Variants in ZBTB38 observed in about 807,000 individuals in gnomAD.
The protein encoded by ZBTB38 is zinc finger and BTB domain containing 38.
ZBTB38 carries 20 observed loss-of-function variants against 76.8 expected under a neutral mutation model. The observed-to-expected ratio is 0.26, with a 90% CI of 0.18 to 0.38. The LOEUF (loss-of-function observed/expected upper bound fraction) is 0.38. Among genes scored for constraint, ZBTB38 ranks in the 10% least tolerant of loss-of-function variants. The pLI, the probability that ZBTB38 is intolerant of heterozygous loss-of-function variation, is 1.00. For missense variants in ZBTB38, 1,082 were observed against 1,482.3 expected (o/e 0.73, Z 4.43); for synonymous variants, 504 against 544.2 (o/e 0.93, Z 1.03).
intron 4 of ZBTB38, among the ~76,000 whole-genome samples, chr3:141,401,314 G>A (rs1460638267): frequency 6.6e-6 from 1 of 152,132 alleles, no homozygotes. Flanking sequence ...TGGCTTTGAG[G>A]AGGTTGGGAA....
chr3:141,429,164 T>C (rs2076952915), intron 5 of ZBTB38, among the ~76,000 whole-genome samples: 1 of 152,122 alleles, frequency 6.6e-6, no homozygotes, highest in South Asian at 2.1e-4. Flanking sequence ...ATTGGAATGT[T>C]GAGGGCCGTG....
chr3:141,351,850 G>C (rs1035092460), intron 1 of ZBTB38, among the ~76,000 whole-genome samples: 10 of 151,808 alleles, frequency 6.6e-5, no homozygotes, highest in African/African-American at 2.4e-4. Flanking sequence ...TTATAGATGA[G>C]TTAAGCTTAT....
chr3:141,432,366 G>A (rs1276511977), intron 5 of ZBTB38: 2 of 822,468 alleles, frequency 2.4e-6, no homozygotes, highest in Non-Finnish European at 2.9e-6. Context: ...TTGTTATTAT[G>A]TACGTTAGGA....
chr3:141,406,746 G>A (rs1954619780), intron 5 of ZBTB38, among the ~76,000 whole-genome samples: 1 of 152,144 alleles, frequency 6.6e-6, no homozygotes, highest in Non-Finnish European at 1.5e-5. Context: ...AAGATAGTAA[G>A]GAAGAACCAT....
At chr3:141,416,162 T>C (rs11919556) in intron 5 of ZBTB38, among the ~76,000 whole-genome samples, 27,356 of 152,138 alleles carry the variant, frequency 0.18, 5,336 homozygotes, top group African/African-American at 0.48. Flanking sequence ...GTGACCTGTC[T>C]GGACTGGAAA....
At chr3:141,441,157 G>A (rs1295779380) in intron 5 of ZBTB38, among the ~76,000 whole-genome samples, 1 of 152,108 alleles carries the variant, frequency 6.6e-6, no homozygotes, top group Non-Finnish European at 1.5e-5. Flanking sequence ...TATGTACTGT[G>A]TATCTCTTAC....
chr3:141,329,353 C>T (rs1206345984), intron 1 of ZBTB38, among the ~76,000 whole-genome samples: 1 of 152,202 alleles, frequency 6.6e-6, no homozygotes, highest in African/African-American at 2.4e-5. Flanking sequence ...AACTTCGATA[C>T]ATCACTCCAT....
At chr3:141,331,806 C>T (rs1942862446) in intron 1 of ZBTB38, among the ~76,000 whole-genome samples, 1 of 152,204 alleles carries the variant, frequency 6.6e-6, no homozygotes, top group African/African-American at 2.4e-5. Flanking sequence ...GCTGCTTTCA[C>T]CAGCCGATGA....
At chr3:141,411,633 G>A (rs559780766) in intron 5 of ZBTB38, among the ~76,000 whole-genome samples, 7 of 152,308 alleles carry the variant, frequency 4.6e-5, no homozygotes, top group African/African-American at 1.7e-4. Flanking sequence ...CTGAAATGAA[G>A]CCCTGTGTAG....
At chr3:141,380,925 A>G (rs1398434074) in intron 2 of ZBTB38, among the ~76,000 whole-genome samples, 2 of 152,224 alleles carry the variant, frequency 1.3e-5, no homozygotes, top group Non-Finnish European at 2.9e-5. Context: ...ATGCTCTCAC[A>G]TGAGGTGGAT....
At chr3:141,335,640 A>G (rs1230552076) in intron 1 of ZBTB38, among the ~76,000 whole-genome samples, 1 of 152,202 alleles carries the variant, frequency 6.6e-6, no homozygotes, top group African/African-American at 2.4e-5. Context: ...TTGGCCACTG[A>G]TGGCACAATT....
chr3:141,411,677 C>T (rs1956702910), intron 5 of ZBTB38, among the ~76,000 whole-genome samples: 1 of 152,194 alleles, frequency 6.6e-6, no homozygotes, highest in Admixed American at 6.5e-5. Context: ...CTGGCTGCCC[C>T]TGAGTGCTGT....
At chr3:141,381,994 A>G (rs1946260259) in intron 3 of ZBTB38, among the ~76,000 whole-genome samples, 1 of 152,228 alleles carries the variant, frequency 6.6e-6, no homozygotes, top group South Asian at 2.1e-4. Flanking sequence ...TTACTTCAAA[A>G]TTAGGCTTTT....
chr3:141,347,017 C>T (rs80216859), intron 1 of ZBTB38, among the ~76,000 whole-genome samples: 5,890 of 152,272 alleles, frequency 0.039, 148 homozygotes, highest in African/African-American at 0.072. Flanking sequence ...TGTTCCTCAT[C>T]AGTTGTGAAG....
At chr3:141,357,421 G>A (rs1195356062) in intron 1 of ZBTB38, among the ~76,000 whole-genome samples, 2 of 152,128 alleles carry the variant, frequency 1.3e-5, no homozygotes, top group Admixed American at 6.5e-5. Context: ...GGTATTTGGA[G>A]TTTTGTGACT....
At chr3:141,373,074 G>A (rs530904330) in intron 2 of ZBTB38, among the ~76,000 whole-genome samples, 38 of 152,286 alleles carry the variant, frequency 2.5e-4, no homozygotes, top group African/African-American at 8.4e-4. Context: ...CTTTGTGTTT[G>A]AAAGAAAGCC....
At chr3:141,412,804 G>T (rs1240158006) in intron 5 of ZBTB38, among the ~76,000 whole-genome samples, 15 of 145,430 alleles carry the variant, frequency 1.0e-4, no homozygotes, top group African/African-American at 3.0e-4. Context: ...TTTCCACTCG[G>T]TTTTTTTTTT....
chr3:141,444,281 C>T lies in ZBTB38; in HGVS notation c.1893C>T (p.Ile631=). The change falls in exon 6 of 6, where the codon ATC becomes ATT. Residue 631 remains isoleucine (I), a synonymous_variant. Coordinates refer to ENST00000321464, the MANE Select transcript of ZBTB38 (RefSeq NM_001376113.1). This position sits in a 1 kb window ranked among gnomAD's most constrained non-coding sequence, Gnocchi z 5.1. ...TVNTLTNSPA[I]PLETSACQDI... ...ACACCCTGACCAACAGTCCAGCCATCCCATTGGAAACATCTGCATGTCAGG... is the reference window on the plus strand; with the variant it reads ...ACACCCTGACCAACAGTCCAGCCATTCCATTGGAAACATCTGCATGTCAGG... 1 of 1,614,202 alleles carries T rather than the reference C, an allele frequency of 6.2e-7. No homozygotes were observed. Among genetic ancestry groups the T allele is most frequent in the Non-Finnish European group, 8.5e-7 (1 of 1,180,042 alleles).
At chr3:141,410,795 T>C (rs770652960) in intron 5 of ZBTB38, among the ~76,000 whole-genome samples, 1 of 152,208 alleles carries the variant, frequency 6.6e-6, no homozygotes, top group Non-Finnish European at 1.5e-5. Flanking sequence ...CTAAGCTGTA[T>C]TATAACTTAA....
Sources: gnomAD v4.1 joint callset for allele counts (sites outside exome capture counted in the v4.1 genomes callset) on GRCh38, gnomAD v4.1.1 for gene constraint, Gnocchi (gnomAD v3.1) non-coding constraint, MANE v1.5 for transcripts, NCBI Gene and HGNC (gene_info 2026-07-23, HGNC 2026-07-21) for gene names.